EPHB1: variants seen among roughly 807,000 people sequenced by gnomAD.
The protein encoded by EPHB1 is EPH receptor B1.
Under a neutral mutation model 94.4 loss-of-function variants are expected in EPHB1, and 30 were observed. The observed-to-expected ratio is 0.32, with a 90% CI of 0.24 to 0.43. The LOEUF (loss-of-function observed/expected upper bound fraction) is 0.43, where lower values mean the gene tolerates loss of function less well. Ranked by LOEUF, EPHB1 falls within the 20% of genes least tolerant of loss-of-function variation. The pLI is 1.00. For synonymous variants in EPHB1, 522 were observed against 489.1 expected (o/e 1.07, Z -0.89); for missense variants, 1,055 against 1,308.3 (o/e 0.81, Z 2.99).
chr3:135,013,242 T>G (rs1170258538), intron 3 of EPHB1, among the ~76,000 whole-genome samples: 1 of 152,112 alleles, frequency 6.6e-6, no homozygotes, highest in Non-Finnish European at 1.5e-5. Flanking sequence ...CTCAGGACCT[T>G]AGTAACAGGA....
rs554022433 is a variant in EPHB1 at position 135,055,739 on chromosome 3, C to T, written c.806-50709C>T. Among the ~76,000 whole-genome samples, 23 of 152,296 alleles carry T rather than the reference C, an allele frequency of 1.5e-4. 1 individual carries two copies. The South Asian group carries it at 3.5e-3, about 23-fold the overall frequency. On this transcript the variant is annotated intron_variant, in intron 3 of 15. Coordinates refer to ENST00000398015, the MANE Select transcript of EPHB1 (RefSeq NM_004441.5). ...TTGTGGGAGGATGAACAGGGTCACA[C>T]GTGTCAAGTCGCAACACAAGCCTGG...
chr3:134,809,982 A>G (rs2036137375), intron 1 of EPHB1, among the ~76,000 whole-genome samples: 1 of 152,232 alleles, frequency 6.6e-6, no homozygotes, highest in African/African-American at 2.4e-5. Flanking sequence ...GAACATGCCA[A>G]GGAGAGATGA....
intron 15 of EPHB1, among the ~76,000 whole-genome samples, chr3:135,251,659 C>A (rs1355792507): frequency 6.6e-6 from 1 of 152,110 alleles, no homozygotes; most frequent in East Asian, 1.9e-4. Flanking sequence ...AGCATGCTTC[C>A]CTAAAGTATT....
rs550779327 is a variant in EPHB1, at chr3:134,799,752, T to C, written c.58+4063T>C. On this transcript the variant is annotated intron_variant, in intron 1 of 15. Transcript: ENST00000398015. ...ACCCAGACCCAGATCTCAGAGCCCC[T>C]ACTTTGTTTTTTCACAAGAATGGGT... Among the ~76,000 whole-genome samples the C allele has an allele frequency of 1.7e-3, 257 of 152,334 alleles. 1 individual carries two copies. The highest frequency in any genetic ancestry group is 5.9e-3 in the African/African-American group (245 of 41,568).
rs567702249 is a variant in EPHB1 at position 135,201,327 on chromosome 3, G to A, written c.2131-147G>A. ...CAAAACATTCAAGGAGAAGAATGGG[G>A]GATGGGAGTGGGAAGAGAGGAGGAC... On this transcript the variant is annotated intron_variant, in intron 11 of 15. Coordinates refer to ENST00000398015, the MANE Select transcript of EPHB1 (RefSeq NM_004441.5). The A allele has an allele frequency of 3.5e-5, 26 of 737,052 alleles. No individual in the cohort carries two copies. The Admixed American group carries it at 4.7e-4, about 13-fold the overall frequency. 45.7% of individuals were successfully genotyped at this position (737,052 alleles called of 1,614,324 possible). A position where few individuals can be genotyped will look rare whatever the true frequency, so the allele number is the denominator to read the frequency against.
intron 12 of EPHB1, among the ~76,000 whole-genome samples, chr3:135,236,507 G>A (rs1943655860): frequency 6.6e-6 from 1 of 152,074 alleles, no homozygotes; most frequent in African/African-American, 2.4e-5. Context: ...ATAATTTATT[G>A]TTTAATGATA....
At chr3:135,045,729 T>C (rs1936980300) in intron 3 of EPHB1, among the ~76,000 whole-genome samples, 1 of 152,236 alleles carries the variant, frequency 6.6e-6, no homozygotes, top group South Asian at 2.1e-4. Context: ...TTAATGAATA[T>C]GGGTTTTCCC....
chr3:135,260,256 A>G lies in EPHB1; in HGVS notation c.*1136A>G, dbSNP rs903969648. On this transcript the variant is annotated 3_prime_UTR_variant, in exon 16 of 16. Transcript: ENST00000398015. ...ACAAGGGAGAATTCTTGCTTTACCT[A>G]TGGACTGGCTTAAGCCGTGTGGCAT... The G allele has an allele frequency of 1.7e-5, 4 of 232,914 alleles. No homozygotes were observed. Among genetic ancestry groups the G allele is most frequent in the Non-Finnish European group, 2.6e-5 (3 of 117,624 alleles). 14.4% of individuals were successfully genotyped at this position (232,914 alleles called of 1,614,324 possible).
At chr3:135,203,721 C>A (rs1942820434) in intron 12 of EPHB1, among the ~76,000 whole-genome samples, 1 of 152,168 alleles carries the variant, frequency 6.6e-6, no homozygotes, top group Admixed American at 6.5e-5. Flanking sequence ...TGACATTTTT[C>A]TTTTTGGTCA....
chr3:135,055,331 A>T (rs1206876043), intron 3 of EPHB1, among the ~76,000 whole-genome samples: 1 of 152,212 alleles, frequency 6.6e-6, no homozygotes, highest in Non-Finnish European at 1.5e-5. Context: ...ACTCGATCAT[A>T]ACACCGGCTC....
At chr3:135,065,398 A>G (rs1172679286) in intron 3 of EPHB1, among the ~76,000 whole-genome samples, 1 of 152,172 alleles carries the variant, frequency 6.6e-6, no homozygotes, top group Non-Finnish European at 1.5e-5. Flanking sequence ...TGTTAGGTGC[A>G]TATATATTTA....
At chr3:135,114,947 A>C (rs1397705648) in intron 4 of EPHB1, among the ~76,000 whole-genome samples, 1 of 152,118 alleles carries the variant, frequency 6.6e-6, no homozygotes, top group Admixed American at 6.5e-5. Context: ...ATACTTTTAG[A>C]AGTTACTCTT....
intron 4 of EPHB1, among the ~76,000 whole-genome samples, chr3:135,132,466 T>A (rs1940455057): frequency 6.6e-6 from 1 of 152,156 alleles, no homozygotes; most frequent in Non-Finnish European, 1.5e-5. Context: ...CGTCTTTCCC[T>A]TGGCACACAT....
chr3:135,067,747 T>G (rs939274118), intron 3 of EPHB1: 1 of 152,400 alleles, frequency 6.6e-6, no homozygotes, highest in African/African-American at 2.4e-5. Flanking sequence ...AGCTGGAGAC[T>G]TCCTTCTCCC....
At chr3:134,815,802 G>T (rs1310116311) in intron 1 of EPHB1, among the ~76,000 whole-genome samples, 2 of 152,158 alleles carry the variant, frequency 1.3e-5, no homozygotes, top group African/African-American at 4.8e-5. Flanking sequence ...ACATTTTGTT[G>T]TTTTCCAAAT....
chr3:134,979,520 C>T (rs1222377044), intron 3 of EPHB1, among the ~76,000 whole-genome samples: 2 of 152,282 alleles, frequency 1.3e-5, no homozygotes, highest in East Asian at 1.9e-4. Context: ...CAACAGTGAG[C>T]GTTTGTACAG....
At chr3:135,113,192 T>C (rs1273626431) in intron 4 of EPHB1, among the ~76,000 whole-genome samples, 2 of 152,226 alleles carry the variant, frequency 1.3e-5, no homozygotes, top group Admixed American at 1.3e-4. Context: ...AGATGGTCTA[T>C]ACATCTGGAT....
chr3:134,922,808 G>A (rs534811206), intron 1 of EPHB1, among the ~76,000 whole-genome samples: 1 of 152,312 alleles, frequency 6.6e-6, no homozygotes, highest in East Asian at 1.9e-4. Context: ...TGTGGTCCAT[G>A]TGCTGAGATT....
At chr3:135,239,189 A>C (rs1302954425) in intron 12 of EPHB1, among the ~76,000 whole-genome samples, 1 of 152,194 alleles carries the variant, frequency 6.6e-6, no homozygotes, top group African/African-American at 2.4e-5. Flanking sequence ...CTTTGCAGAA[A>C]GTGGGATGTG....
Sources: gnomAD v4.1 joint callset for allele counts (sites outside exome capture counted in the v4.1 genomes callset) on GRCh38, gnomAD v4.1.1 for gene constraint, MANE v1.5 for transcripts, NCBI Gene and HGNC (gene_info 2026-07-23, HGNC 2026-07-21) for gene names.